The following MAN1B1 variants were observed in gnomAD, a reference collection of about 807,000 sequenced individuals.
The protein encoded by MAN1B1 is mannosidase alpha class 1B member 1.
A neutral mutation model predicts 75.5 loss-of-function variants in MAN1B1; 66 were observed. The ratio of observed to expected loss-of-function variants is 0.87; its 90% CI spans 0.72 to 1.07. MAN1B1 has a LOEUF of 1.07. Among genes scored for constraint, MAN1B1 ranks in the 50% least tolerant of loss-of-function variants. The pLI is 0.00. For missense variants in MAN1B1, 973 were observed against 912.5 expected (o/e 1.07, Z -0.85); for synonymous variants, 453 against 382.8 (o/e 1.18, Z -2.14).
intron 5 of MAN1B1, 88 bp downstream of exon 5, chr9:137,098,025 G>A (rs946957573): frequency 2.9e-6 from 3 of 1,030,896 alleles, no homozygotes; most frequent in South Asian, 1.4e-5. Flanking sequence ...ATGGTGGGTG[G>A]CGCCCCCGCC....
At chr9:137,106,845 C>A in intron 10 of MAN1B1, 36 bp downstream of exon 10, 1 of 1,609,182 alleles carries the variant, frequency 6.2e-7, no homozygotes. Context: ...GCCGCCGCCC[C>A]TTTTACCTTG....
At chr9:137,088,211 G>A (rs1588580117) in intron 2 of MAN1B1, 28 bp downstream of exon 2, 1 of 1,613,978 alleles carries the variant, frequency 6.2e-7, no homozygotes, top group Middle Eastern at 1.6e-4. Context: ...ACTTGAAAAC[G>A]ATATCTGTGT....
Position 137,094,038 on chromosome 9 carries a change from A to T in MAN1B1, c.466-2199A>T, listed in dbSNP as rs574975104. 1.3e-4 allele frequency among the ~76,000 whole-genome samples: 20 copies of T among 149,076 alleles called. 1 individual carries two copies. The East Asian group carries it at 4.0e-3, about 30-fold the overall frequency. On this transcript the variant is annotated intron_variant, in intron 3 of 12. Coordinates refer to ENST00000371589, the MANE Select transcript of MAN1B1 (RefSeq NM_016219.5). ...TGGTGATTTTTTTTTTTTTTGAGAC[A>T]GAGTCTCACTCTGTTGCCCAGGCTG... is the stretch of plus-strand genomic sequence containing the variant.
At position 137,106,750 on chromosome 9, in the gene MAN1B1, G is replaced by A. The variant is rs757690679; in HGVS notation, c.1507G>A (p.Glu503Lys). The change falls in exon 10 of 13, where the codon GAG becomes AAG. Residue 503 changes from glutamate to lysine, a missense_variant. Physicochemically the swap from Glu to Lys is moderately conservative, Grantham distance 56 (BLOSUM62 1). Transcript: ENST00000371589. ...GVRTHLLRHS[E>K]PSKLTFVGEL... ...CAGAACGCACCTGCTGCGGCACTCC[G>A]AGCCCAGTAAGCTCACCTTTGTGGG... 71 of 1,613,348 alleles carry A rather than the reference G, an allele frequency of 4.4e-5. No individual in the cohort carries two copies. The highest frequency in any genetic ancestry group is 6.7e-5 in the Admixed American group (4 of 60,006).
At chr9:137,092,760 G>A (rs1292474706) in intron 3 of MAN1B1, among the ~76,000 whole-genome samples, 6 of 152,098 alleles carry the variant, frequency 3.9e-5, no homozygotes, top group Non-Finnish European at 5.9e-5. Context: ...TTCTCGTGTC[G>A]GCAATGTTTC....
chr9:137,099,668 A>G (rs772029131), intron 5 of MAN1B1, 28 bp from the exon 6 acceptor site: 5 of 1,613,230 alleles, frequency 3.1e-6, no homozygotes, highest in African/African-American at 2.7e-5. Context: ...CACGTCCGCC[A>G]TGGCCTGTGC....
chr9:137,100,126 A>G (rs1830769180), intron 6 of MAN1B1, among the ~76,000 whole-genome samples: 1 of 152,156 alleles, frequency 6.6e-6, no homozygotes, highest in South Asian at 2.1e-4. Context: ...TCTTTGGGGG[A>G]CGTCCAAGGG....
chr9:137,107,163 C>T (rs533199858), intron 10 of MAN1B1, 87 bp from the exon 11 acceptor site: 59 of 1,428,484 alleles, frequency 4.1e-5, no homozygotes, highest in South Asian at 2.2e-4. Context: ...GCCGAGGCAG[C>T]GCTGGGCTCC....
intron 12 of MAN1B1, 72 bp downstream of exon 12, chr9:137,107,734 G>T: frequency 6.2e-7 from 1 of 1,606,346 alleles, no homozygotes; most frequent in Non-Finnish European, 8.5e-7. Flanking sequence ...TGGGGCTCAG[G>T]CTGGCTCCGC....
intron 3 of MAN1B1, 113 bp downstream of exon 3, chr9:137,089,118 C>T (rs1424573828): frequency 5.2e-6 from 7 of 1,335,450 alleles, no homozygotes; most frequent in Admixed American, 3.4e-5. Context: ...CACGTGTTTA[C>T]CTCTCTCTCG....
rs572846977 is a variant in MAN1B1, at chr9:137,087,415, C to T, written c.219+197C>T. 4 of 749,996 alleles carry T rather than the reference C, an allele frequency of 5.3e-6. No homozygotes were observed. In the Admixed American group the frequency reaches 8.2e-5, roughly 15 times the overall value. 46.5% of individuals were successfully genotyped at this position (749,996 alleles called of 1,614,324 possible). A position where few individuals can be genotyped will look rare whatever the true frequency, so the allele number is the denominator to read the frequency against. The stretch of plus-strand genomic sequence containing the variant: ...GGCGGCTCGCCTGCAGCGGTCTCAG[C>T]GGCCCAAATTCTGCGGGGCGGTGGT... On this transcript the variant is annotated intron_variant, in intron 1 of 12. Transcript: ENST00000371589.
intron 2 of MAN1B1, chr9:137,088,395 T>G (rs769018771): frequency 1.0e-5 from 16 of 1,578,490 alleles, no homozygotes; most frequent in Admixed American, 1.7e-5. Context: ...TCTAGGTCTC[T>G]GGTGTAAGTA....
At position 137,108,475 on chromosome 9, in the gene MAN1B1, G is replaced by T; in HGVS notation, c.1984G>T (p.Gly662Trp). ...PRDKMESFFL[G>W]ETLKYLFLLF... ...GGACAAGATGGAGAGCTTCTTCCTG[G>T]GGGAGACGCTCAAGTATCTGTTCTT... Residue 662 changes from glycine (G) to tryptophan (W), a missense_variant, in exon 13 of 13, where the codon GGG becomes TGG. Transcript: ENST00000371589. The T allele has an allele frequency of 6.2e-7, 1 of 1,613,942 alleles. No individual in the cohort carries two copies. The highest frequency in any genetic ancestry group is 1.3e-5 in the African/African-American group (1 of 75,034).
intron 3 of MAN1B1, among the ~76,000 whole-genome samples, chr9:137,090,309 C>A (rs911505879): frequency 1.3e-5 from 2 of 152,102 alleles, no homozygotes. Flanking sequence ...TTGGGAGCTT[C>A]ACCTGTGGCC....
At chr9:137,091,248 T>A (rs1039693764) in intron 3 of MAN1B1, among the ~76,000 whole-genome samples, 1 of 152,224 alleles carries the variant, frequency 6.6e-6, no homozygotes, top group African/African-American at 2.4e-5. Flanking sequence ...ACTGTGGTAT[T>A]TTTTCCATTG....
chr9:137,091,978 C>T (rs1048412906), intron 3 of MAN1B1, among the ~76,000 whole-genome samples: 1 of 152,136 alleles, frequency 6.6e-6, no homozygotes, highest in East Asian at 1.9e-4. Flanking sequence ...GTTATAGGGG[C>T]TTAGGAGAGA....
Position 137,088,116 on chromosome 9 carries a change from C to G in MAN1B1, c.261C>G (p.Leu87=). 1.9e-6 allele frequency: 3 copies of G among 1,614,218 alleles called. No homozygotes were observed. The highest frequency in any genetic ancestry group is 2.5e-6 in the Non-Finnish European group (3 of 1,180,024). Residue 87 remains leucine (L), a synonymous_variant, in exon 2 of 13, where the codon CTC becomes CTG. Transcript: ENST00000371589. ...QLSRLQRNMI[L]FLLAFLLFCG... ...CGAGATTGCAGCGGAATATGATTCT[C>G]TTCCTCCTTGCCTTTCTGCTTTTCT...
intron 8 of MAN1B1, chr9:137,103,203 C>A: frequency 2.3e-6 from 1 of 430,298 alleles, no homozygotes; most frequent in Non-Finnish European, 4.5e-6. Context: ...CTGTTGCAGG[C>A]GTGCAGGTCG....
At chr9:137,088,544 A>C in intron 2 of MAN1B1, 1 of 970,948 alleles carries the variant, frequency 1.0e-6, no homozygotes. Flanking sequence ...GGATGTGGAG[A>C]ATCTCTTCTC....
Sources: gnomAD v4.1 joint callset for allele counts (sites outside exome capture counted in the v4.1 genomes callset) on GRCh38, gnomAD v4.1.1 for gene constraint, MANE v1.5 for transcripts, NCBI Gene and HGNC (gene_info 2026-07-23, HGNC 2026-07-21) for gene names.